Variants in ZBTB25 observed in about 807,000 individuals in gnomAD.
ZBTB25 encodes zinc finger and BTB domain containing 25.
Under a neutral mutation model 34.2 loss-of-function variants are expected in ZBTB25, and 20 were observed. The observed-to-expected ratio is 0.58, with a 90% CI of 0.41 to 0.85. ZBTB25 has a LOEUF of 0.85. ZBTB25 is among the 40% of genes least tolerant of loss of function. ZBTB25 has a pLI of 0.00. For synonymous variants in ZBTB25, 175 were observed against 186.4 expected (o/e 0.94, Z 0.50); for missense variants, 437 against 521.8 (o/e 0.84, Z 1.58).
At chr14:64,504,752 C>G, upstream of ZBTB25, 1 of 373,740 alleles carries the variant, frequency 2.7e-6, no homozygotes, top group South Asian at 1.5e-4. Context: ...CGCGGCTGTG[C>G]GGCAGCGGAA....
chr14:64,487,869 T>C lies in ZBTB25; in HGVS notation c.362A>G (p.Glu121Gly), dbSNP rs377055101. ...ATEMNQVFSP[E>G]TVQSSNLYGI... The stretch of plus-strand genomic sequence containing the variant: ...ATATAAATTTGAGGACTGCACAGTC[T>C]CTGGTGAGAACACTTGATTCATTTC... Residue 121 changes from glutamate to glycine, a missense_variant, in exon 3 of 3, where the codon GAG (glutamate) becomes GGG (glycine). Physicochemically the swap from Glu to Gly is moderately conservative, Grantham distance 98. Transcript: ENST00000608382. The C allele has an allele frequency of 6.2e-7, 1 of 1,614,184 alleles. No homozygotes were observed. Among genetic ancestry groups the C allele is most frequent in the East Asian group, 2.2e-5 (1 of 44,886 alleles).
chr14:64,452,261 C>G (rs2078385189), intron 2 of ZBTB25, among the ~76,000 whole-genome samples: 1 of 152,222 alleles, frequency 6.6e-6, no homozygotes, highest in Non-Finnish European at 1.5e-5. Context: ...CGCCATTGCA[C>G]TCCAGCCTGG....
At chr14:64,456,070 A>C (rs1256004774) in intron 2 of ZBTB25, among the ~76,000 whole-genome samples, 2 of 152,208 alleles carry the variant, frequency 1.3e-5, no homozygotes, top group Non-Finnish European at 2.9e-5. Context: ...CTACCAGCTG[A>C]AAGACGGGTA....
At position 64,486,460 on chromosome 14, in the gene ZBTB25, C is replaced by T. The variant is rs1442074563; in HGVS notation, c.*463G>A. 2.1e-6 allele frequency: 2 copies of T among 968,284 alleles called. No individual in the cohort carries two copies. Among genetic ancestry groups the T allele is most frequent in the African/African-American group, 3.5e-5 (2 of 56,958 alleles). 60.0% of individuals were successfully genotyped at this position (968,284 alleles called of 1,614,324 possible). ...AACATATGTATAACATACAGTTATG[C>T]ATTAAAGTAACTATTAATTTCCTAT... On this transcript the variant is annotated 3_prime_UTR_variant, in exon 3 of 3. Transcript: ENST00000608382.
intron 2 of ZBTB25, among the ~76,000 whole-genome samples, chr14:64,466,805 G>A: frequency 6.6e-6 from 1 of 151,994 alleles, no homozygotes; most frequent in Non-Finnish European, 1.5e-5. Flanking sequence ...CTTATTTTAG[G>A]GCATCCACCC....
chr14:64,504,805 CCG>C (rs1472948722), upstream of ZBTB25: 1 of 386,822 alleles, frequency 2.6e-6, no homozygotes, highest in Admixed American at 4.5e-5. Flanking sequence ...CAGAGCCTCT[CCG>C]CGCAGCCCAG....
At chr14:64,470,271 T>G (rs1280891067) in intron 2 of ZBTB25, 1 of 166,906 alleles carries the variant, frequency 6.0e-6, no homozygotes, top group African/African-American at 2.4e-5. Flanking sequence ...TAAACGTGAG[T>G]GGTTTCCTAG....
intron 2 of ZBTB25, among the ~76,000 whole-genome samples, chr14:64,454,169 G>A (rs1370469706): frequency 6.6e-6 from 1 of 152,200 alleles, no homozygotes; most frequent in Non-Finnish European, 1.5e-5. Context: ...CTAGAGTGCA[G>A]TGGCACAATT....
intron 2 of ZBTB25, chr14:64,472,093 ATTTCT>A (rs2078678874): frequency 6.0e-6 from 1 of 166,988 alleles, no homozygotes; most frequent in Non-Finnish European, 1.5e-5. Flanking sequence ...CAAGAAGTCA[ATTTCT>A]TTTAATTGTA....
chr14:64,492,366 C>A (rs571235453), intron 1 of ZBTB25, among the ~76,000 whole-genome samples: 42 of 151,856 alleles, frequency 2.8e-4, no homozygotes, highest in African/African-American at 9.7e-4. Flanking sequence ...GCCACCATGC[C>A]CAGCTAATTT....
chr14:64,503,391 C>A (rs1014923799), intron 1 of ZBTB25: 1 of 985,328 alleles, frequency 1.0e-6, no homozygotes, highest in African/African-American at 1.7e-5. Flanking sequence ...ACCTTCGCGG[C>A]ACCCCGTGTG....
intron 2 of ZBTB25, chr14:64,453,788 A>G (rs1356785998): frequency 6.2e-7 from 1 of 1,612,946 alleles, no homozygotes; most frequent in Admixed American, 1.7e-5. Context: ...ATCATTGCAC[A>G]GAAGATCTAT....
chr14:64,462,442 A>G, intron 2 of ZBTB25: 1 of 152,302 alleles, frequency 6.6e-6, no homozygotes, highest in Non-Finnish European at 1.5e-5. Context: ...AGACCTATAG[A>G]AGCATTAGTG....
chr14:64,449,983 G>A (rs2078344522), intron 2 of ZBTB25, among the ~76,000 whole-genome samples: 2 of 152,162 alleles, frequency 1.3e-5, no homozygotes, highest in Admixed American at 6.5e-5. Context: ...GTAGAGATGG[G>A]GTTTCACCAT....
At chr14:64,471,037 T>C (rs970394870) in intron 2 of ZBTB25, 11 of 167,104 alleles carry the variant, frequency 6.6e-5, no homozygotes, top group Non-Finnish European at 1.0e-4. Context: ...TGAAAAGTTA[T>C]TGCTAAAGCA....
chr14:64,477,225 C>T (rs2078728073), downstream of ZBTB25, among the ~76,000 whole-genome samples: 1 of 152,180 alleles, frequency 6.6e-6, no homozygotes, highest in South Asian at 2.1e-4. Context: ...GTGCCATTGG[C>T]ACAGCACAAC....
rs1370763573 is a variant in ZBTB25, at chr14:64,471,158, T to TC, written c.173+19202_173+19203insG. On this transcript the variant is annotated intron_variant, in intron 2 of 2. Coordinates refer to the ZBTB25 transcript ENST00000555220. ...TTTTCATCACTATTTTCTTTTCTTT[T>TC]TTTTTTTTTTTTGAGATGGAGTCTC... 1.7e-4 allele frequency: 27 copies of TC among 156,354 alleles called. 1 individual carries two copies. Among genetic ancestry groups the TC allele is most frequent in the Admixed American group, 1.5e-3 (23 of 14,952 alleles). The allele number at this position is 156,354 out of a possible 1,614,324, so 9.7% of individuals were successfully genotyped here. A position where few individuals can be genotyped will look rare whatever the true frequency, so the allele number is the denominator to read the frequency against.
chr14:64,504,624 A>T, upstream of ZBTB25: 1 of 303,232 alleles, frequency 3.3e-6, no homozygotes, highest in Non-Finnish European at 6.0e-6. Flanking sequence ...CCTAGCAGCC[A>T]GCGGCAGAGT....
In ZBTB25 at chr14:64,485,980, T is replaced by C; in HGVS notation, c.*943A>G. On this transcript the variant is annotated 3_prime_UTR_variant, in exon 3 of 3. Coordinates refer to ENST00000608382, the MANE Select transcript of ZBTB25 (RefSeq NM_006977.5). ...TTACTGTTTCTTAAATATTTTTTAATGTCTCTCTGACTCTTCTCCCTTTAA... is the reference window on the plus strand; with the variant it reads ...TTACTGTTTCTTAAATATTTTTTAACGTCTCTCTGACTCTTCTCCCTTTAA... 3.1e-6 allele frequency: 3 copies of C among 979,682 alleles called. No individual in the cohort carries two copies. The highest frequency in any genetic ancestry group is 3.6e-6 in the Non-Finnish European group (3 of 828,840). The allele number at this position is 979,682 out of a possible 1,614,324, so 60.7% of individuals were successfully genotyped here.
Sources: gnomAD v4.1 joint callset for allele counts (sites outside exome capture counted in the v4.1 genomes callset) on GRCh38, gnomAD v4.1.1 for gene constraint, MANE v1.5 for transcripts, NCBI Gene and HGNC (gene_info 2026-07-23, HGNC 2026-07-21) for gene names.